Variants in SLC39A10 observed in about 807,000 individuals in gnomAD.
SLC39A10 encodes the protein solute carrier family 39 member 10.
In SLC39A10, 13 loss-of-function variants were observed where a neutral mutation model predicts 65.1. That is an observed-to-expected ratio of 0.20 (90% CI 0.13 to 0.32). The LOEUF (loss-of-function observed/expected upper bound fraction) is 0.32, where lower values mean the gene tolerates loss of function less well. Among genes scored for constraint, SLC39A10 ranks in the 10% least tolerant of loss-of-function variants. The pLI is 1.00. For synonymous variants in SLC39A10, 321 were observed against 342.2 expected, an observed-to-expected ratio of 0.94 and a Z score of 0.68; for missense variants, 831 against 1,018.4, an observed-to-expected ratio of 0.82 and a Z score of 2.50.
chr2:195,626,175 A>G (rs1688468638), intron 2 of SLC39A10, among the ~76,000 whole-genome samples: 1 of 152,208 alleles, frequency 6.6e-6, no homozygotes, highest in African/African-American at 2.4e-5. Flanking sequence ...TATTTGAAAA[A>G]TATATGAGGA....
intron 3 of SLC39A10, among the ~76,000 whole-genome samples, chr2:195,701,432 A>ATTTTTTTTTTT (rs1559040715): frequency 8.0e-5 from 1 of 12,516 alleles, no homozygotes. Flanking sequence ...AGTTTCTGTG[A>ATTTTTTTTTTT]TTCTTTTTTT....
Position 195,665,168 on chromosome 2 carries a change from T to A in SLC39A10, c.-12+7887T>A, listed in dbSNP as rs1402620530. On this transcript the variant is annotated intron_variant, in intron 1 of 9. Coordinates refer to ENST00000359634, the MANE Select transcript of SLC39A10 (RefSeq NM_020342.3). Reference sequence around the variant, plus strand: ...GGCGTCTCTATTAAAAATACAAAAATTAGCTGGGTGTGGTAGCAGGTGCCT... The same window carrying A: ...GGCGTCTCTATTAAAAATACAAAAAATAGCTGGGTGTGGTAGCAGGTGCCT... Among the ~76,000 whole-genome samples the A allele has an allele frequency of 2.6e-5, 4 of 152,170 alleles. No individual in the cohort carries two copies. The East Asian group carries it at 7.7e-4, about 29-fold the overall frequency.
intron 2 of SLC39A10, among the ~76,000 whole-genome samples, chr2:195,647,635 T>G (rs1289125103): frequency 6.6e-6 from 1 of 151,970 alleles, no homozygotes; most frequent in Non-Finnish European, 1.5e-5. Context: ...TTGCAAGCTA[T>G]ACCTATATCT....
In SLC39A10 at chr2:195,650,266, A is replaced by C. The variant is rs1023599981; in HGVS notation, c.-11-29766A>C. Among the ~76,000 whole-genome samples, 32 of 148,506 alleles carry C rather than the reference A, an allele frequency of 2.2e-4. 1 individual carries two copies. Among genetic ancestry groups the C allele is most frequent in the Admixed American group, 1.4e-4 (2 of 14,748 alleles). ...CACTGCACTCCAGCCTGGGCGACAGAGATGGACTCCTCCTCCAAAAAAAAA... is the reference window on the plus strand; with the variant it reads ...CACTGCACTCCAGCCTGGGCGACAGCGATGGACTCCTCCTCCAAAAAAAAA... On this transcript the variant is annotated intron_variant, in intron 2 of 2. Coordinates refer to the SLC39A10 transcript ENST00000458054.
intron 2 of SLC39A10, among the ~76,000 whole-genome samples, chr2:195,645,627 C>G (rs1688898964): frequency 6.6e-6 from 1 of 152,100 alleles, no homozygotes; most frequent in Non-Finnish European, 1.5e-5. Context: ...CTCTATTCTA[C>G]TTTCTTGTCT....
intron 3 of SLC39A10, among the ~76,000 whole-genome samples, chr2:195,700,423 C>T (rs936766750): frequency 4.6e-5 from 7 of 152,116 alleles, no homozygotes; most frequent in Admixed American, 6.5e-5. Flanking sequence ...ATGGGGATTA[C>T]GTTTAGCAGC....
intron 2 of SLC39A10, among the ~76,000 whole-genome samples, chr2:195,626,853 G>A (rs1688484408): frequency 6.6e-6 from 1 of 152,124 alleles, no homozygotes; most frequent in Non-Finnish European, 1.5e-5. Context: ...TCTATATAGA[G>A]TTCCTCATCT....
At chr2:195,659,058 T>C (rs998579708) in intron 1 of SLC39A10, among the ~76,000 whole-genome samples, 2 of 152,238 alleles carry the variant, frequency 1.3e-5, no homozygotes, top group African/African-American at 4.8e-5. Flanking sequence ...AAAATTGCTA[T>C]CAGGTATTTC....
intron 2 of SLC39A10, among the ~76,000 whole-genome samples, chr2:195,623,301 T>C (rs1335864162): frequency 6.6e-6 from 1 of 152,212 alleles, no homozygotes; most frequent in Non-Finnish European, 1.5e-5. Context: ...ATGTGTGTTG[T>C]TTTCTTGACA....
chr2:195,725,421 CAA>C (rs1426899639), intron 8 of SLC39A10, among the ~76,000 whole-genome samples: 1 of 152,032 alleles, frequency 6.6e-6, no homozygotes, highest in Non-Finnish European at 1.5e-5. Context: ...ATAAAATAGA[CAA>C]AAAGACTTGA....
At chr2:195,642,884 G>C (rs1418711277) in intron 2 of SLC39A10, among the ~76,000 whole-genome samples, 1 of 152,168 alleles carries the variant, frequency 6.6e-6, no homozygotes, top group African/African-American at 2.4e-5. Context: ...AGCCCTTGAA[G>C]CAGCTAGGAA....
intron 1 of SLC39A10, among the ~76,000 whole-genome samples, chr2:195,672,862 T>C (rs1207014499): frequency 6.6e-6 from 1 of 152,192 alleles, no homozygotes; most frequent in Non-Finnish European, 1.5e-5. Flanking sequence ...CACCTTTAAT[T>C]AGCATCTTCT....
intron 9 of SLC39A10, among the ~76,000 whole-genome samples, chr2:195,731,966 A>C (rs1247621539): frequency 6.6e-6 from 1 of 152,232 alleles, no homozygotes; most frequent in East Asian, 1.9e-4. Flanking sequence ...AGTAGTATTT[A>C]TAATGTCACA....
At chr2:195,626,766 G>T (rs1688482571) in intron 2 of SLC39A10, among the ~76,000 whole-genome samples, 1 of 152,106 alleles carries the variant, frequency 6.6e-6, no homozygotes, top group Admixed American at 6.6e-5. Context: ...ACAGATGAGG[G>T]TAAAAAGAAT....
At chr2:195,648,681 C>CA (rs1164005955) in intron 2 of SLC39A10, among the ~76,000 whole-genome samples, 3 of 151,434 alleles carry the variant, frequency 2.0e-5, no homozygotes, top group Admixed American at 2.0e-4. Context: ...GACCCTATCT[C>CA]AAAAAAACAA....
chr2:195,673,308 C>T (rs767410198), intron 1 of SLC39A10, among the ~76,000 whole-genome samples: 2 of 152,098 alleles, frequency 1.3e-5, no homozygotes, highest in Non-Finnish European at 2.9e-5. Flanking sequence ...TCTGACACGC[C>T]ACCATGCCCA....
chr2:195,649,842 T>C (rs1268011146), intron 2 of SLC39A10, among the ~76,000 whole-genome samples: 1 of 152,212 alleles, frequency 6.6e-6, no homozygotes, highest in Non-Finnish European at 1.5e-5. Context: ...TACTACTCTG[T>C]GAGTGAATGA....
rs1369772159 is a variant in SLC39A10, at chr2:195,735,497, G to C, written c.*456G>C. The stretch of plus-strand genomic sequence containing the variant: ...TTAATTCAGCTACATATATTCATGT[G>C]GTGATAGGGATCAACTTGACACAAC... On this transcript the variant is annotated 3_prime_UTR_variant, in exon 10 of 10. Coordinates refer to ENST00000359634, the MANE Select transcript of SLC39A10 (RefSeq NM_020342.3). The C allele has an allele frequency of 6.5e-6, 1 of 152,676 alleles. No homozygotes were observed. Among genetic ancestry groups the C allele is most frequent in the African/African-American group, 2.4e-5 (1 of 41,428 alleles). The allele number at this position is 152,676 out of a possible 1,614,324, so 9.5% of individuals were successfully genotyped here.
intron 1 of SLC39A10, chr2:195,671,662 C>T (rs1689863709): frequency 6.6e-6 from 1 of 152,134 alleles, no homozygotes; most frequent in Non-Finnish European, 1.5e-5. Context: ...CTCAGAGATC[C>T]TCTTTGTGCT....
Sources: gnomAD v4.1 joint callset for allele counts (sites outside exome capture counted in the v4.1 genomes callset) on GRCh38, gnomAD v4.1.1 for gene constraint, MANE v1.5 for transcripts, NCBI Gene and HGNC (gene_info 2026-07-23, HGNC 2026-07-21) for gene names.